CLEC20A: variants seen among roughly 807,000 people sequenced by gnomAD.
CLEC20A encodes the protein putative C-type lectin domain family 20 member A.
upstream of CLEC20A, among the ~76,000 whole-genome samples, chr1:178,498,005 C>G (rs1027432986): frequency 1.3e-5 from 2 of 151,972 alleles, no homozygotes; most frequent in African/African-American, 4.8e-5. Flanking sequence ...ACCAGGCAGG[C>G]TTTGCTAGAC....
At chr1:178,492,413 T>G (rs1422942160) in intron 3 of CLEC20A, 88 bp downstream of exon 3, 3 of 397,002 alleles carry the variant, frequency 7.6e-6, no homozygotes, top group Non-Finnish European at 1.3e-5. Flanking sequence ...GACGCGGGGG[T>G]GGAGATCCTG....
chr1:178,488,606 G>GA lies in CLEC20A; in HGVS notation c.830-8dup. ...CGGTGTCCAGTGGAGGAGTCTGCAA[G>GA]AAAACAGAGTGAGTGTGAGGGCAGG... On this transcript the variant is annotated splice_region_variant and splice_polypyrimidine_tract_variant and intron_variant, in intron 4 of 7. Coordinates refer to ENST00000623247, the Ensembl canonical transcript of CLEC20A. 2.5e-6 allele frequency: 1 copy of GA among 398,788 alleles called. No homozygotes were observed. Among genetic ancestry groups the GA allele is most frequent in the South Asian group, 1.3e-4 (1 of 7,864 alleles). The allele number at this position is 398,788 out of a possible 1,614,324, so 24.7% of individuals were successfully genotyped here.
intron 2 of CLEC20A, 119 bp downstream of exon 2, chr1:178,494,335 C>T (rs1379384076): frequency 5.0e-6 from 2 of 397,510 alleles, no homozygotes; most frequent in Admixed American, 8.8e-5. Context: ...AGGAGAATCA[C>T]CTGAGCCCAG....
rs548472482 is a variant in CLEC20A, at chr1:178,492,280, AAAAAAATAAAAAAT to A, written c.463+207_463+220del. Among the ~76,000 whole-genome samples, 1,246 of 152,088 alleles carry A rather than the reference AAAAAAATAAAAAAT, an allele frequency of 8.2e-3. 10 individuals are homozygous for A. Among genetic ancestry groups the A allele is most frequent in the Non-Finnish European group, 0.012 (799 of 67,990 alleles). On this transcript the variant is annotated intron_variant, in intron 3 of 7. Transcript: ENST00000623247. ...GACAGAGTGAGACCATCCGTGTCTT[AAAAAAATAAAAAAT>A]AAAAAATAAAAATAAGGACATTGAT...
chr1:178,488,969 G>GT lies in CLEC20A; in HGVS notation c.830-371dup, dbSNP rs1383678633. ...CTACCGGGTAAGGGGTTTCTTTGAG[G>GT]TGGGGGGGGCGGTGATGAAAATGTC... On this transcript the variant is annotated intron_variant, in intron 4 of 7. Transcript: ENST00000623247. Among the ~76,000 whole-genome samples, 12 of 152,010 alleles carry GT rather than the reference G, an allele frequency of 7.9e-5. No homozygotes were observed. The East Asian group carries it at 2.1e-3, about 27-fold the overall frequency.
chr1:178,495,424 G>A (rs1484079931), intron 1 of CLEC20A, among the ~76,000 whole-genome samples: 1 of 152,188 alleles, frequency 6.6e-6, no homozygotes, highest in Non-Finnish European at 1.5e-5. Flanking sequence ...GCTGCAAGCT[G>A]GAGTCACCTA....
exon 1 of CLEC20A, chr1:178,496,907 G>A (rs1048187920): frequency 1.2e-4 from 48 of 399,134 alleles, no homozygotes; most frequent in East Asian, 1.2e-3. Context: ...CACCTGCTGC[G>A]CAGAAGGAGA....
At chr1:178,482,093 C>CAAA in intron 7 of CLEC20A, 16 of 313,336 alleles carry the variant, frequency 5.1e-5, no homozygotes, top group South Asian at 1.6e-4. Flanking sequence ...AAAAAAACAA[C>CAAA]AAAAAAAAAA....
intron 3 of CLEC20A, among the ~76,000 whole-genome samples, chr1:178,491,376 A>T (rs759285325): frequency 1.3e-5 from 2 of 152,210 alleles, no homozygotes; most frequent in Non-Finnish European, 2.9e-5. Flanking sequence ...AAACTCGGAC[A>T]TGAGCCTTTC....
At chr1:178,495,936 C>T (rs565068108) in intron 1 of CLEC20A, 2 of 152,526 alleles carry the variant, frequency 1.3e-5, no homozygotes, top group African/African-American at 4.8e-5. Flanking sequence ...CACAAGGAAC[C>T]CTTCAAGCTA....
rs182772402 is a variant in CLEC20A at position 178,482,063 on chromosome 1, C to G, written c.1122+249G>C. ...GATCCCTCTGACCGTGCTGTCTTGACCAAAAAAAAACAAAAAAACAAAAAA... is the reference window on the plus strand; with the variant it reads ...GATCCCTCTGACCGTGCTGTCTTGAGCAAAAAAAAACAAAAAAACAAAAAA... On this transcript the variant is annotated intron_variant, in intron 7 of 7. Coordinates refer to ENST00000623247, the Ensembl canonical transcript of CLEC20A. The G allele has an allele frequency of 9.4e-6, 3 of 319,692 alleles. No individual in the cohort carries two copies. The Admixed American group carries it at 1.5e-4, about 16-fold the overall frequency. The allele number at this position is 319,692 out of a possible 1,614,324, so 19.8% of individuals were successfully genotyped here.
chr1:178,486,851 A>C, intron 5 of CLEC20A: 1 of 398,390 alleles, frequency 2.5e-6, no homozygotes. Context: ...GCGGGAACCA[A>C]GGTGCCCCCC....
chr1:178,482,618 C>T, intron 6 of CLEC20A: 1 of 375,504 alleles, frequency 2.7e-6, no homozygotes, highest in Non-Finnish European at 4.7e-6. Context: ...AATGCGAAGT[C>T]TTCCACAGCC....
upstream of CLEC20A, chr1:178,499,551 G>C (rs577670503): frequency 1.3e-5 from 2 of 152,322 alleles, no homozygotes; most frequent in South Asian, 4.1e-4. Context: ...TCCCGTGCTC[G>C]ATGCTTCCTG....
intron 7 of CLEC20A, 172 bp from the exon 8 acceptor site, chr1:178,479,787 A>G (rs993735984): frequency 1.6e-4 from 61 of 383,096 alleles, no homozygotes; most frequent in African/African-American, 1.2e-3. Flanking sequence ...GTAGGAAAAT[A>G]CATAAATTAA....
chr1:178,494,772 C>T (rs1052062036), exon 2 of CLEC20A: 1 of 399,360 alleles, frequency 2.5e-6, no homozygotes, highest in Non-Finnish European at 4.4e-6. Flanking sequence ...GCCTCCTTCA[C>T]CAGAACCAAG....
At position 178,482,236 on chromosome 1, in the gene CLEC20A, T is replaced by C. The variant is rs900383383; in HGVS notation, c.1122+76A>G. ...ATATTCCACAGGTTTTCCACCTTAA[T>C]ATATTGGTTTTTATAAGATTGTCTT... On this transcript the variant is annotated intron_variant, in intron 7 of 7. Coordinates refer to ENST00000623247, the Ensembl canonical transcript of CLEC20A. 9 of 397,786 alleles carry C rather than the reference T, an allele frequency of 2.3e-5. No homozygotes were observed. In the East Asian group the frequency reaches 2.9e-4, roughly 13 times the overall value. 24.6% of individuals were successfully genotyped at this position (397,786 alleles called of 1,614,324 possible).
intron 6 of CLEC20A, chr1:178,482,834 C>G (rs925184290): frequency 9.5e-5 from 20 of 211,044 alleles, no homozygotes; most frequent in African/African-American, 4.1e-4. Context: ...ATTACAGGAA[C>G]TACAATCTCA....
upstream of CLEC20A, among the ~76,000 whole-genome samples, chr1:178,498,463 G>T (rs1466272347): frequency 1.3e-5 from 2 of 152,158 alleles, no homozygotes; most frequent in Non-Finnish European, 2.9e-5. Context: ...GGTGGTGCAT[G>T]TCTGTAGTCC....
Sources: allele counts gnomAD v4.1 joint callset (sites outside exome capture counted in the v4.1 genomes callset), GRCh38; gene constraint gnomAD v4.1.1; transcripts MANE v1.5; gene names NCBI Gene and HGNC (gene_info 2026-07-23, HGNC 2026-07-21).